The following CDH23 variants were observed in gnomAD, a reference collection of about 807,000 sequenced individuals.
The protein encoded by CDH23 is cadherin related 23, also known as cadherin-23.
CDH23 carries 189 observed loss-of-function variants against 317.1 expected under a neutral mutation model. The observed-to-expected ratio is 0.60, with a 90% CI of 0.53 to 0.67. CDH23 has a LOEUF of 0.67. Ranked by LOEUF, CDH23 falls within the 30% of genes least tolerant of loss-of-function variation. CDH23 has a pLI of 0.00. For missense variants in CDH23, 4,401 were observed against 4,592.4 expected, an observed-to-expected ratio of 0.96 and a Z score of 1.20; for synonymous variants, 1,839 against 1,876.8, an observed-to-expected ratio of 0.98 and a Z score of 0.52.
At chr10:71,544,189 G>A (rs1856145066) in intron 6 of CDH23, among the ~76,000 whole-genome samples, 1 of 152,170 alleles carries the variant, frequency 6.6e-6, no homozygotes, top group South Asian at 2.1e-4. Flanking sequence ...CCGAACTCTG[G>A]TCTGCTTGGC....
intron 60 of CDH23, among the ~76,000 whole-genome samples, 200 bp downstream of exon 60, chr10:71,808,207 A>G (rs1246393174): frequency 6.6e-6 from 1 of 152,098 alleles, no homozygotes; most frequent in Non-Finnish European, 1.5e-5. Context: ...TCATCTACCC[A>G]CCAGCCCTTT....
At chr10:71,442,455 C>T (rs1003482333) in intron 2 of CDH23, among the ~76,000 whole-genome samples, 1 of 152,166 alleles carries the variant, frequency 6.6e-6, no homozygotes, top group African/African-American at 2.4e-5. Context: ...CCACACTGCC[C>T]TCGCCACTTT....
rs1238983367 is a variant in CDH23 at position 71,738,582 on chromosome 10, T to A, written c.4294T>A (p.Cys1432Ser). The A allele has an allele frequency of 4.3e-6, 7 of 1,613,782 alleles. No individual in the cohort carries two copies. The highest frequency in any genetic ancestry group is 5.9e-6 in the Non-Finnish European group (7 of 1,179,906). Residue 1432 changes from cysteine (C) to serine (S), a missense_variant, in exon 35 of 70, where the codon TGC (cysteine) becomes AGC (serine). Cys to Ser is a moderately radical substitution (Grantham distance 112). Transcript: ENST00000224721. The part of the protein sequence containing the change: ...SDSAVSIPED[C>S]PVGQRVATVK... ...CTCGGCGGTCAGCATACCCGAGGAC[T>A]GCCCTGTGGGCCAGCGAGTGGCTAC...
rs372936335 is a variant in CDH23, at chr10:71,677,456, G to A, written c.1515G>A (p.Arg505=). 15 of 1,603,004 alleles carry A rather than the reference G, an allele frequency of 9.4e-6. No individual in the cohort carries two copies. Among genetic ancestry groups the A allele is most frequent in the African/African-American group, 1.3e-5 (1 of 74,746 alleles). The change falls in exon 16 of 70, where the codon AGG becomes AGA. Residue 505 remains arginine, a splice_region_variant and synonymous_variant. Coordinates refer to ENST00000224721, the MANE Select transcript of CDH23 (RefSeq NM_022124.6). ...TCTCCATCCTCTCGGCCTGGCACAG[G>A]TTCTCGCTGGACAAGGACACGGGAC... ...VSYFFSDDPD[R]FSLDKDTGLI... is the part of the protein sequence containing the mutation.
At chr10:71,759,275 C>T (rs576160993) in intron 38 of CDH23, among the ~76,000 whole-genome samples, 3 of 151,988 alleles carry the variant, frequency 2.0e-5, no homozygotes, top group Admixed American at 2.0e-4. Context: ...TGGCCTCAAG[C>T]GATCTGCCTG....
chr10:71,568,170 C>T (rs746687109), intron 7 of CDH23, among the ~76,000 whole-genome samples: 1 of 152,228 alleles, frequency 6.6e-6, no homozygotes, highest in Admixed American at 6.5e-5. Context: ...GTGACACTCA[C>T]GTTCTTTCCT....
intron 11 of CDH23, among the ~76,000 whole-genome samples, chr10:71,622,516 G>A (rs957845994): frequency 7.2e-5 from 11 of 152,158 alleles, no homozygotes; most frequent in Admixed American, 2.6e-4. Context: ...AGAAGGGGGC[G>A]GGGGACGGAG....
intron 32 of CDH23, chr10:71,732,791 C>A (rs1223156903): frequency 3.4e-6 from 3 of 878,848 alleles, no homozygotes; most frequent in Non-Finnish European, 4.2e-6. Flanking sequence ...CTCTGGTCAT[C>A]GAAGTGTGTG....
chr10:71,751,959 ACATCCC>A lies in CDH23; in HGVS notation c.4845+10047_4845+10052del. On this transcript the variant is annotated intron_variant, in intron 38 of 69. Transcript: ENST00000224721. This position sits in a 1 kb window ranked among gnomAD's most constrained non-coding sequence, Gnocchi z 4.9. ...TTTCTCTCCTCCCTTTCTCTCACCTACATCCCCATCCCCAAGCCTCAGCAGCATCTC... is the reference window on the plus strand; with the variant it reads ...TTTCTCTCCTCCCTTTCTCTCACCTACATCCCCAAGCCTCAGCAGCATCTC... 2 of 1,257,712 alleles carry A rather than the reference ACATCCC, an allele frequency of 1.6e-6. No homozygotes were observed. The highest frequency in any genetic ancestry group is 1.1e-6 in the Non-Finnish European group (1 of 892,590). The allele number at this position is 1,257,712 out of a possible 1,614,324, so 77.9% of individuals were successfully genotyped here.
rs1479271521 is a variant in CDH23, at chr10:71,439,897, G to T, written c.66G>T (p.Trp22Cys). Residue 22 changes from tryptophan to cysteine, a missense_variant and splice_region_variant, in exon 2 of 70, where the codon TGG becomes TGT. This residue lies in a region of CDH23 where 3,068 missense variants were observed against 3,203.3 expected (regional missense o/e 0.96). Coordinates refer to ENST00000224721, the MANE Select transcript of CDH23 (RefSeq NM_022124.6). ...AWLLVLISGC[W>C]GQVNRLPFFT... Reference sequence around the variant, plus strand: ...TTTTGGTGCTGATCTCTGGATGCTGGGGTAAGTCCAGTCCTCCCCGTGTCT... The same window carrying T: ...TTTTGGTGCTGATCTCTGGATGCTGTGGTAAGTCCAGTCCTCCCCGTGTCT... 1 of 1,571,336 alleles carries T rather than the reference G, an allele frequency of 6.4e-7. No homozygotes were observed. The highest frequency in any genetic ancestry group is 2.3e-5 in the East Asian group (1 of 42,754).
chr10:71,802,903 G>A lies in CDH23; in HGVS notation c.7488G>A (p.Val2496=), dbSNP rs1375211750. The part of the protein sequence containing the change: ...SNRRENSVQV[V]IQVLDVNDCR... ...CTTGACCTCCATCCACCCAGGTGGT[G>A]ATCCAAGTGCTGGATGTCAATGACT... The change falls in exon 54 of 70, where the codon GTG becomes GTA. Residue 2496 remains valine (V), a synonymous_variant. Coordinates refer to ENST00000224721, the MANE Select transcript of CDH23 (RefSeq NM_022124.6). 1.2e-6 allele frequency: 2 copies of A among 1,614,014 alleles called. No homozygotes were observed. The highest frequency in any genetic ancestry group is 4.5e-5 in the East Asian group (2 of 44,882).
intron 44 of CDH23, among the ~76,000 whole-genome samples, chr10:71,788,029 T>C (rs1355682289): frequency 6.6e-6 from 1 of 152,188 alleles, no homozygotes; most frequent in African/African-American, 2.4e-5. Context: ...CATTCCCTTT[T>C]CTCTGCATCC....
In CDH23 at chr10:71,777,631, T is replaced by C. The variant is rs7917781; in HGVS notation, c.4846-49T>C. 0.45 allele frequency: 688,197 copies of C among 1,525,420 alleles called. 156,751 individuals are homozygous for C. Among genetic ancestry groups the C allele is most frequent in the East Asian group, 0.52 (21,482 of 41,566 alleles). 94.5% of individuals were successfully genotyped at this position (1,525,420 alleles called of 1,614,324 possible). On this transcript the variant is annotated intron_variant, in intron 38 of 69. Transcript: ENST00000224721. ...GGAGAACAGCCATCTGGATCCACCT[T>C]GGTCCCTCTGGCCACCTGACCAAGG...
At chr10:71,778,866 T>C (rs1047965396) in intron 40 of CDH23, among the ~76,000 whole-genome samples, 11 of 152,114 alleles carry the variant, frequency 7.2e-5, no homozygotes, top group Non-Finnish European at 1.2e-4. Flanking sequence ...AGAGCAATCC[T>C]CCCACCTCAG....
At chr10:71,804,051 G>C (rs1017673187) in intron 55 of CDH23, among the ~76,000 whole-genome samples, 23 of 147,378 alleles carry the variant, frequency 1.6e-4, no homozygotes, top group Admixed American at 8.8e-4. Context: ...ACGACTTTGA[G>C]CAAGTGACTT....
At chr10:71,618,931 A>T (rs959805790) in intron 11 of CDH23, among the ~76,000 whole-genome samples, 1 of 152,208 alleles carries the variant, frequency 6.6e-6, no homozygotes, top group Non-Finnish European at 1.5e-5. Flanking sequence ...GTAAGTATTG[A>T]TCACCTGCTG....
At chr10:71,668,055 T>G (rs1033011069) in intron 14 of CDH23, among the ~76,000 whole-genome samples, 10 of 152,064 alleles carry the variant, frequency 6.6e-5, no homozygotes, top group Non-Finnish European at 1.3e-4. Context: ...AAGCCTGGGA[T>G]GGGGTGGAGT....
At chr10:71,548,386 C>G (rs1856404056) in intron 6 of CDH23, among the ~76,000 whole-genome samples, 1 of 152,106 alleles carries the variant, frequency 6.6e-6, no homozygotes. Context: ...GTGCACAGAG[C>G]CTGACAGCTG....
intron 3 of CDH23, among the ~76,000 whole-genome samples, chr10:71,453,078 A>G (rs543678718): frequency 1.3e-5 from 2 of 152,308 alleles, no homozygotes; most frequent in Admixed American, 1.3e-4. Context: ...AGGTTGGTAC[A>G]CATGGAGCTG....
Sources: allele counts gnomAD v4.1 joint callset (sites outside exome capture counted in the v4.1 genomes callset), GRCh38; gene constraint gnomAD v4.1.1; regional missense constraint gnomAD v4.1.1; non-coding constraint Gnocchi (gnomAD v3.1); transcripts MANE v1.5; gene names NCBI Gene and HGNC (gene_info 2026-07-23, HGNC 2026-07-21).